The following PHF11 variants were observed in gnomAD, a reference collection of about 807,000 sequenced individuals.
PHF11 encodes the protein PHD finger protein 11.
In PHF11, 38 loss-of-function variants were observed where a neutral mutation model predicts 40.5. The observed-to-expected ratio is 0.94, with a 90% CI of 0.72 to 1.23. The LOEUF is 1.23. Ranked by LOEUF, PHF11 falls within the 50% of genes most tolerant of loss-of-function variation. PHF11 has a pLI of 0.00. For synonymous variants in PHF11, 127 were observed against 138.2 expected (o/e 0.92, Z 0.57); for missense variants, 369 against 392.4 (o/e 0.94, Z 0.50).
At chr13:49,509,332 C>T (rs1397566157) in intron 2 of PHF11, among the ~76,000 whole-genome samples, 1 of 151,890 alleles carries the variant, frequency 6.6e-6, no homozygotes, top group Non-Finnish European at 1.5e-5. Context: ...CCTGCCTCAG[C>T]CTCCCAAGTA....
At chr13:49,517,372 C>G (rs1321926203) in intron 3 of PHF11, among the ~76,000 whole-genome samples, 1 of 152,186 alleles carries the variant, frequency 6.6e-6, no homozygotes, top group African/African-American at 2.4e-5. Context: ...TGTGGCCACA[C>G]ACTGCCTAGC....
In PHF11 at chr13:49,528,827, CACTCTTGTGTTTTTTGCTCA is replaced by C; in HGVS notation, c.*163_*182del. The C allele has an allele frequency of 1.8e-6, 1 of 570,368 alleles. No individual in the cohort carries two copies. 35.3% of individuals were successfully genotyped at this position (570,368 alleles called of 1,614,324 possible). On this transcript the variant is annotated 3_prime_UTR_variant, in exon 10 of 10. Coordinates refer to ENST00000378319, the MANE Select transcript of PHF11 (RefSeq NM_001040443.3). The stretch of plus-strand genomic sequence containing the variant: ...GTTGACATTTTGATCACTCTTTGCA[CACTCTTGTGTTTTTTGCTCA>C]CTGTCACATTCCCAGCACCTAGTAT...
chr13:49,515,601 C>A (rs895082301), intron 3 of PHF11, among the ~76,000 whole-genome samples: 6 of 152,040 alleles, frequency 3.9e-5, no homozygotes, highest in African/African-American at 7.3e-5. Context: ...AACCTCCCAG[C>A]CCAACACCAA....
chr13:49,523,064 G>C (rs1959197553), intron 6 of PHF11, 111 bp from the exon 7 acceptor site: 2 of 806,294 alleles, frequency 2.5e-6, no homozygotes, highest in Non-Finnish European at 4.3e-6. Flanking sequence ...CGCCCAGCCA[G>C]GGCATGATTT....
At chr13:49,513,403 TCACTGCAACCTCCGCCTCCTGGGTTCA>T (rs1223382655) in intron 3 of PHF11, among the ~76,000 whole-genome samples, 4 of 150,748 alleles carry the variant, frequency 2.7e-5, no homozygotes, top group African/African-American at 9.8e-5. Context: ...CGGTCTCAGC[TCACTGCAACCTCCGCCTCCTGGGTTCA>T]AGCGATTCTC....
rs370049093 is a variant in PHF11 at position 49,496,108 on chromosome 13, G to GGGGC, written c.94+33_94+36dup. The GGGGC allele has an allele frequency of 5.2e-5, 36 of 691,838 alleles. No homozygotes were observed. Among genetic ancestry groups the GGGGC allele is most frequent in the Middle Eastern group, 4.8e-4 (1 of 2,064 alleles). 42.9% of individuals were successfully genotyped at this position (691,838 alleles called of 1,614,324 possible). On this transcript the variant is annotated intron_variant, in intron 1 of 9. Transcript: ENST00000378319. The stretch of plus-strand genomic sequence containing the variant: ...CTCCTTCCCACCGGTGTGTACCGCG[G>GGGGC]GGGCGGGCGGGCGGGCGGGCGGGGC...
intron 1 of PHF11, among the ~76,000 whole-genome samples, chr13:49,502,659 C>G (rs1486501580): frequency 1.3e-5 from 2 of 152,198 alleles, no homozygotes. Context: ...CTCTGCATTT[C>G]GTGTTCTTTC....
intron 1 of PHF11, chr13:49,496,602 T>G (rs1049618267): frequency 1.3e-5 from 3 of 232,580 alleles, no homozygotes; most frequent in African/African-American, 7.0e-5. Context: ...CTTGAGTGGG[T>G]GGGTCTTCTG....
At chr13:49,505,609 C>CA (rs1343572906) in intron 1 of PHF11, among the ~76,000 whole-genome samples, 3 of 152,054 alleles carry the variant, frequency 2.0e-5, no homozygotes, top group Admixed American at 6.5e-5. Flanking sequence ...TTGCAATGGG[C>CA]AAAAAAATCT....
intron 1 of PHF11, among the ~76,000 whole-genome samples, chr13:49,501,159 A>ATGCAC (rs1318155069): frequency 4.0e-5 from 6 of 151,782 alleles, no homozygotes; most frequent in Admixed American, 3.9e-4. Context: ...GATTACAGGC[A>ATGCAC]TGCACCACCA....
In PHF11 at chr13:49,513,260, G is replaced by C; in HGVS notation, c.324+94G>C. The C allele has an allele frequency of 4.8e-6, 3 of 623,254 alleles. No individual in the cohort carries two copies. In the South Asian group the frequency reaches 6.1e-5, roughly 13 times the overall value. 38.6% of individuals were successfully genotyped at this position (623,254 alleles called of 1,614,324 possible). ...CTATTTGACTGATACACCAGGGATA[G>C]AGAAGCATCTTGGAGAGCTGGAAGA... On this transcript the variant is annotated intron_variant, in intron 3 of 9. Coordinates refer to ENST00000378319, the MANE Select transcript of PHF11 (RefSeq NM_001040443.3).
intron 2 of PHF11, among the ~76,000 whole-genome samples, chr13:49,511,551 C>T (rs938119434): frequency 6.6e-6 from 1 of 152,154 alleles, no homozygotes; most frequent in Non-Finnish European, 1.5e-5. Flanking sequence ...TGGTCTCGAT[C>T]TCCTGACCTC....
intron 1 of PHF11, among the ~76,000 whole-genome samples, chr13:49,500,233 C>G (rs929071983): frequency 6.6e-6 from 1 of 152,078 alleles, no homozygotes; most frequent in Non-Finnish European, 1.5e-5. Context: ...GTTGCTAAAC[C>G]CCCCTAGAAA....
chr13:49,506,972 T>G (rs2139042069), intron 2 of PHF11, among the ~76,000 whole-genome samples: 1 of 150,494 alleles, frequency 6.6e-6, no homozygotes, highest in East Asian at 2.0e-4. Flanking sequence ...GGCGCAATCT[T>G]GAATCACTGC....
At chr13:49,526,480 T>A in intron 9 of PHF11, 22 bp downstream of exon 9, 3 of 1,287,350 alleles carry the variant, frequency 2.3e-6, no homozygotes, top group Non-Finnish European at 3.4e-6. Flanking sequence ...ATATAACATC[T>A]GAGCAGCATA....
chr13:49,515,571 A>C (rs1384709060), intron 3 of PHF11, among the ~76,000 whole-genome samples: 1 of 151,808 alleles, frequency 6.6e-6, no homozygotes, highest in Non-Finnish European at 1.5e-5. Context: ...CAGAAGTCTA[A>C]GGACTCTCTT....
At chr13:49,526,927 A>G (rs1309454589) in intron 9 of PHF11, among the ~76,000 whole-genome samples, 2 of 152,040 alleles carry the variant, frequency 1.3e-5, no homozygotes, top group African/African-American at 4.8e-5. Flanking sequence ...GCTATGATAA[A>G]CCATCCCTCC....
intron 2 of PHF11, among the ~76,000 whole-genome samples, chr13:49,507,196 C>T (rs973945830): frequency 6.6e-6 from 1 of 151,974 alleles, no homozygotes; most frequent in Non-Finnish European, 1.5e-5. Flanking sequence ...TGAGCCACCA[C>T]GCCCGGGCCT....
At chr13:49,519,082 G>T (rs555135124) in intron 4 of PHF11, among the ~76,000 whole-genome samples, 1 of 152,140 alleles carries the variant, frequency 6.6e-6, no homozygotes, top group Admixed American at 6.5e-5. Flanking sequence ...TGATCCGCCC[G>T]CCTCGGCCTC....
Sources: allele counts gnomAD v4.1 joint callset (sites outside exome capture counted in the v4.1 genomes callset), GRCh38; gene constraint gnomAD v4.1.1; transcripts MANE v1.5; gene names NCBI Gene and HGNC (gene_info 2026-07-23, HGNC 2026-07-21).